CXCL13: variants seen among roughly 807,000 people sequenced by gnomAD.
The protein encoded by CXCL13 is C-X-C motif chemokine ligand 13, also known as C-X-C motif chemokine 13.
A neutral mutation model predicts 12.2 loss-of-function variants in CXCL13; 7 were observed. The observed-to-expected ratio is 0.57, with a 90% confidence interval of 0.33 to 1.07. The LOEUF is 1.07. CXCL13 is among the 50% of genes least tolerant of loss of function. The pLI, the probability that CXCL13 is intolerant of heterozygous loss-of-function variation, is 0.04. For missense variants in CXCL13, 113 were observed against 127.4 expected (o/e 0.89, Z 0.55); for synonymous variants, 47 against 42.4 (o/e 1.11, Z -0.42).
At chr4:77,579,438 T>C (rs1248015176) in intron 1 of CXCL13, among the ~76,000 whole-genome samples, 2 of 152,164 alleles carry the variant, frequency 1.3e-5, no homozygotes. Context: ...AATTACAGCC[T>C]CAACACTTTG....
chr4:77,566,869 T>C (rs556764606), intron 1 of CXCL13, among the ~76,000 whole-genome samples: 231 of 152,308 alleles, frequency 1.5e-3, no homozygotes, highest in African/African-American at 5.3e-3. Context: ...ATTATGTTAT[T>C]TAAGGTAATT....
chr4:77,560,206 A>G (rs915766363), intron 1 of CXCL13, among the ~76,000 whole-genome samples: 2 of 152,124 alleles, frequency 1.3e-5, no homozygotes, highest in Admixed American at 6.5e-5. Flanking sequence ...CTTCAATTCT[A>G]TTTTGTAAAC....
intron 1 of CXCL13, among the ~76,000 whole-genome samples, chr4:77,535,204 G>A (rs1464836110): frequency 1.3e-5 from 2 of 152,142 alleles, no homozygotes; most frequent in African/African-American, 4.8e-5. Context: ...AGAACTGGGG[G>A]CCTTTAGGAA....
intron 1 of CXCL13, among the ~76,000 whole-genome samples, chr4:77,577,612 A>G (rs1418047981): frequency 1.3e-5 from 2 of 152,198 alleles, no homozygotes; most frequent in East Asian, 1.9e-4. Flanking sequence ...TAGGACGTAC[A>G]TGGGTCAGAG....
intron 1 of CXCL13, among the ~76,000 whole-genome samples, chr4:77,594,375 A>G (rs1288680515): frequency 6.6e-6 from 1 of 152,204 alleles, no homozygotes; most frequent in Non-Finnish European, 1.5e-5. Flanking sequence ...AGTACAGATC[A>G]CTGGAGCCAT....
rs186149649 is a variant in CXCL13, at chr4:77,561,540, A to T, written c.-42-44284A>T. Among the ~76,000 whole-genome samples the T allele has an allele frequency of 2.5e-3, 385 of 152,364 alleles. 1 individual carries two copies. The highest frequency in any genetic ancestry group is 0.02 in the Middle Eastern group (6 of 294). The stretch of plus-strand genomic sequence containing the variant: ...ACTTAGCCAAGATCGTTCTGCTTAT[A>T]ATCAGTAGTGCTGATCTTGGAGTGT... On this transcript the variant is annotated intron_variant, in intron 1 of 4. Transcript: ENST00000286758.
In CXCL13 at chr4:77,515,932, T is replaced by C. The variant is rs1560511837; in HGVS notation, c.-43+4144T>C. 3.3e-5 allele frequency among the ~76,000 whole-genome samples: 5 copies of C among 152,334 alleles called. 1 individual carries two copies. In the South Asian group the frequency reaches 1.0e-3, roughly 32 times the overall value. On this transcript the variant is annotated intron_variant, in intron 1 of 4. Transcript: ENST00000286758. ...CAGTTTTTGCACATTCAGTATGATA[T>C]TGACTGTGGGTTTGTCATAGATAGC...
intron 1 of CXCL13, among the ~76,000 whole-genome samples, chr4:77,570,316 C>T (rs1231913648): frequency 2.0e-5 from 3 of 152,222 alleles, no homozygotes; most frequent in Non-Finnish European, 4.4e-5. Context: ...AAACTATCAA[C>T]AGAGTAAACA....
At chr4:77,559,032 T>G (rs781699227) in intron 1 of CXCL13, among the ~76,000 whole-genome samples, 9 of 152,226 alleles carry the variant, frequency 5.9e-5, no homozygotes, top group Non-Finnish European at 2.9e-5. Flanking sequence ...ATGTCAGATA[T>G]CAGCATTTTC....
chr4:77,543,721 GGTT>G (rs1482975871), intron 1 of CXCL13, among the ~76,000 whole-genome samples: 5 of 151,812 alleles, frequency 3.3e-5, no homozygotes, highest in Non-Finnish European at 5.9e-5. Context: ...CTGAGAAAAT[GGTT>G]GTTATGATTT....
intron 1 of CXCL13, among the ~76,000 whole-genome samples, chr4:77,544,833 C>T (rs1473160307): frequency 6.6e-6 from 1 of 152,166 alleles, no homozygotes; most frequent in African/African-American, 2.4e-5. Flanking sequence ...TGCCTATGTC[C>T]TGAATGGTAT....
chr4:77,555,163 T>G (rs989651792), intron 1 of CXCL13, among the ~76,000 whole-genome samples: 1 of 151,848 alleles, frequency 6.6e-6, no homozygotes, highest in Non-Finnish European at 1.5e-5. Context: ...TTTGAAAAAT[T>G]GTTGTTTCTA....
intron 1 of CXCL13, among the ~76,000 whole-genome samples, chr4:77,528,523 G>A (rs1186075517): frequency 6.6e-6 from 1 of 152,162 alleles, no homozygotes; most frequent in Non-Finnish European, 1.5e-5. Flanking sequence ...TTTCTCTGAT[G>A]GCCACTGATG....
At chr4:77,572,891 A>T (rs1019566315) in intron 1 of CXCL13, among the ~76,000 whole-genome samples, 18 of 151,964 alleles carry the variant, frequency 1.2e-4, no homozygotes, top group African/African-American at 4.1e-4. Flanking sequence ...ACACCATGGA[A>T]TACTATGCAG....
chr4:77,593,704 G>A (rs1057285533), intron 1 of CXCL13, among the ~76,000 whole-genome samples: 1 of 152,196 alleles, frequency 6.6e-6, no homozygotes, highest in African/African-American at 2.4e-5. Flanking sequence ...AGAAGAATGA[G>A]CTGTTAAATC....
chr4:77,533,131 T>G (rs889216757), intron 1 of CXCL13, among the ~76,000 whole-genome samples: 3 of 152,174 alleles, frequency 2.0e-5, no homozygotes, highest in Non-Finnish European at 4.4e-5. Context: ...AGTTTCCAGT[T>G]TTTCTGCTCT....
chr4:77,555,164 G>A (rs1472815959), intron 1 of CXCL13, among the ~76,000 whole-genome samples: 1 of 151,750 alleles, frequency 6.6e-6, no homozygotes, highest in Non-Finnish European at 1.5e-5. Context: ...TTGAAAAATT[G>A]TTGTTTCTAA....
At chr4:77,532,746 T>A (rs1338205385) in intron 1 of CXCL13, among the ~76,000 whole-genome samples, 1 of 152,196 alleles carries the variant, frequency 6.6e-6, no homozygotes, top group Non-Finnish European at 1.5e-5. Flanking sequence ...TGTTCATTTC[T>A]TTTTATTCTT....
Position 77,530,704 on chromosome 4 carries a change from G to C in CXCL13, c.-43+18916G>C, listed in dbSNP as rs577821560. On this transcript the variant is annotated intron_variant, in intron 1 of 4. Coordinates refer to the CXCL13 transcript ENST00000286758. ...GTATTGCTAATGGTCTGTCAGTTTTGTTGATCTTTTCAAAAAACCAGCTCC... is the reference window on the plus strand; with the variant it reads ...GTATTGCTAATGGTCTGTCAGTTTTCTTGATCTTTTCAAAAAACCAGCTCC... Among the ~76,000 whole-genome samples, 14 of 152,132 alleles carry C rather than the reference G, an allele frequency of 9.2e-5. No homozygotes were observed. The South Asian group carries it at 2.5e-3, about 27-fold the overall frequency.
Sources: allele counts gnomAD v4.1 joint callset (sites outside exome capture counted in the v4.1 genomes callset), GRCh38; gene constraint gnomAD v4.1.1; transcripts MANE v1.5; gene names NCBI Gene and HGNC (gene_info 2026-07-23, HGNC 2026-07-21).